The following C6 variants were observed in gnomAD, a reference collection of about 807,000 sequenced individuals.
C6 encodes complement C6.
Under a neutral mutation model 112.9 loss-of-function variants are expected in C6, and 101 were observed. The observed-to-expected ratio is 0.89, with a 90% CI of 0.76 to 1.06. The LOEUF (loss-of-function observed/expected upper bound fraction) is 1.06, where lower values mean the gene tolerates loss of function less well. Ranked by LOEUF, C6 falls within the 50% of genes least tolerant of loss-of-function variation. The pLI is 0.00. For missense variants in C6, 1,202 were observed against 1,104.6 expected (o/e 1.09, Z -1.25); for synonymous variants, 431 against 384.1 (o/e 1.12, Z -1.43).
chr5:41,144,363 G>C lies in C6; in HGVS notation c.2624-1357C>G, dbSNP rs182202855. ...GCTCACTGCACCCTCGAACTCCTAGGTTCAAGAGATCCTCCCACCTTAGCC... is the reference window on the plus strand; with the variant it reads ...GCTCACTGCACCCTCGAACTCCTAGCTTCAAGAGATCCTCCCACCTTAGCC... On this transcript the variant is annotated intron_variant, in intron 17 of 17. Coordinates refer to ENST00000337836, the MANE Select transcript of C6 (RefSeq NM_000065.5). Among the ~76,000 whole-genome samples, 614 of 152,172 alleles carry C rather than the reference G, an allele frequency of 4.0e-3. 1 individual carries two copies. Among genetic ancestry groups the C allele is most frequent in the African/African-American group, 0.013 (544 of 41,500 alleles).
In C6 at chr5:41,149,205, G is replaced by A. The variant is rs764965506; in HGVS notation, c.2623+36C>T. On this transcript the variant is annotated intron_variant, in intron 17 of 17. Transcript: ENST00000337836. ...ATGTACTAGCTGAGATGAAGGTTAA[G>A]TGAGAGCATTTAGTATGGTCACCAT... 6.2e-6 allele frequency: 10 copies of A among 1,612,320 alleles called. No homozygotes were observed. The Admixed American group carries it at 1.2e-4, about 19-fold the overall frequency.
At chr5:41,192,852 C>T (rs1750322147) in intron 5 of C6, among the ~76,000 whole-genome samples, 1 of 152,052 alleles carries the variant, frequency 6.6e-6, no homozygotes, top group Non-Finnish European at 1.5e-5. Context: ...TTAGTGGTTT[C>T]CTAGGGTTAG....
At position 41,155,123 on chromosome 5, in the gene C6, C is replaced by A. The variant is rs373264335; in HGVS notation, c.1969-19G>T. 1.2e-6 allele frequency: 2 copies of A among 1,607,520 alleles called. No homozygotes were observed. Among genetic ancestry groups the A allele is most frequent in the Middle Eastern group, 3.3e-4 (2 of 6,044 alleles). On this transcript the variant is annotated intron_variant, in intron 13 of 17. Coordinates refer to ENST00000337836, the MANE Select transcript of C6 (RefSeq NM_000065.5). Reference sequence around the variant, plus strand: ...TTTCATTCTTAATTAAAGCAGAAACCAGAAATTATTAATGCTATGAATAAC... The same window carrying A: ...TTTCATTCTTAATTAAAGCAGAAACAAGAAATTATTAATGCTATGAATAAC...
rs1396883210 is a variant in C6, at chr5:41,142,865, C to T, written c.2765G>A (p.Arg922Lys). 5 of 1,613,490 alleles carry T rather than the reference C, an allele frequency of 3.1e-6. No individual in the cohort carries two copies. In the Admixed American group the frequency reaches 6.7e-5, roughly 22 times the overall value. Residue 922 changes from arginine (R) to lysine (K), a missense_variant, in exon 18 of 18, where the codon AGG becomes AAG. Transcript: ENST00000337836. Reference sequence around the variant, plus strand: ...TCCAGGATGCAGTATTTCCATCTTCCTGTTTGCACATCTTATAGTTCCCAC... The same window carrying T: ...TCCAGGATGCAGTATTTCCATCTTCTTGTTTGCACATCTTATAGTTCCCAC... ...CEVGTIRCAN[R>K]KMEILHPGKC...
intron 1 of C6, among the ~76,000 whole-genome samples, chr5:41,231,795 T>A (rs1001582872): frequency 3.3e-5 from 5 of 152,224 alleles, no homozygotes; most frequent in East Asian, 1.9e-4. Flanking sequence ...GGTAATTTTT[T>A]AAAAATGATA....
chr5:41,200,888 GTTGTTT>G (rs1389432451), intron 3 of C6, among the ~76,000 whole-genome samples: 1,316 of 66,442 alleles, frequency 0.02, 8 homozygotes, highest in African/African-American at 0.061. Context: ...TGTTGTTGTT[GTTGTTT>G]TTTTTTTTTT....
rs117194999 is a variant in C6 at position 41,155,147 on chromosome 5, A to T, written c.1969-43T>A. The T allele has an allele frequency of 1.7e-3, 2,710 of 1,567,700 alleles. 87 individuals are homozygous for T. The East Asian group carries it at 0.057, about 33-fold the overall frequency. The stretch of plus-strand genomic sequence containing the variant: ...CCAGAAATTATTAATGCTATGAATA[A>T]CACTCTCTAAACTCTTTAGTCTCAC... On this transcript the variant is annotated intron_variant, in intron 13 of 17. Coordinates refer to ENST00000337836, the MANE Select transcript of C6 (RefSeq NM_000065.5).
chr5:41,161,758 C>T lies in C6; in HGVS notation c.1393G>A (p.Glu465Lys). The change falls in exon 10 of 18, where the codon GAG becomes AAG. Residue 465 changes from glutamate (E) to lysine (K), a missense_variant. Physicochemically the swap from Glu to Lys is moderately conservative, Grantham distance 56 (BLOSUM62 1). Transcript: ENST00000337836. ...AACCACTCAGAAAATGTCTTCTCCT[C>T]CAGACCAGAGCTCCCTTTCTCCCAT... ...LAWEKGSSGL[E>K]EKTFSEWLES... 1 of 1,613,688 alleles carries T rather than the reference C, an allele frequency of 6.2e-7. No individual in the cohort carries two copies. Among genetic ancestry groups the T allele is most frequent in the Non-Finnish European group, 8.5e-7 (1 of 1,179,688 alleles).
At chr5:41,167,816 GA>G (rs1490245200) in intron 9 of C6, among the ~76,000 whole-genome samples, 17 of 152,234 alleles carry the variant, frequency 1.1e-4, no homozygotes, top group Non-Finnish European at 1.5e-5. Context: ...GAAGAATGGT[GA>G]AATCACTGAT....
intron 1 of C6, among the ~76,000 whole-genome samples, chr5:41,220,313 G>T (rs1739087951): frequency 6.6e-6 from 1 of 152,118 alleles, no homozygotes. Flanking sequence ...AGAATCTAAG[G>T]CTCTGGATAC....
In C6 at chr5:41,142,715, A is replaced by G. The variant is rs903526047; in HGVS notation, c.*110T>C. ...AAACTAACAGAAAATAATTTTTGTCAGTAACTTTGAGCATGCCAGTCTGCT... is the reference window on the plus strand; with the variant it reads ...AAACTAACAGAAAATAATTTTTGTCGGTAACTTTGAGCATGCCAGTCTGCT... On this transcript the variant is annotated 3_prime_UTR_variant, in exon 18 of 18. Transcript: ENST00000337836. The G allele has an allele frequency of 3.5e-6, 3 of 856,992 alleles. No homozygotes were observed. The highest frequency in any genetic ancestry group is 1.7e-5 in the African/African-American group (1 of 60,384). 53.1% of individuals were successfully genotyped at this position (856,992 alleles called of 1,614,324 possible). A position where few individuals can be genotyped will look rare whatever the true frequency, so the allele number is the denominator to read the frequency against.
chr5:41,152,215 G>A (rs527493729), intron 15 of C6, among the ~76,000 whole-genome samples: 9 of 152,188 alleles, frequency 5.9e-5, no homozygotes, highest in Non-Finnish European at 1.0e-4. Context: ...GATTAGGGAA[G>A]GATTCATAAG....
intron 1 of C6, among the ~76,000 whole-genome samples, chr5:41,250,752 G>T (rs1741301397): frequency 6.6e-6 from 1 of 152,170 alleles, no homozygotes; most frequent in Non-Finnish European, 1.5e-5. Flanking sequence ...TAAACCTTCA[G>T]ACTTGTGAGC....
intron 9 of C6, among the ~76,000 whole-genome samples, chr5:41,171,636 C>A (rs1332660232): frequency 6.6e-6 from 1 of 152,114 alleles, no homozygotes; most frequent in Non-Finnish European, 1.5e-5. Flanking sequence ...AAAGCAGTGG[C>A]TAAAATTGGG....
intron 1 of C6, among the ~76,000 whole-genome samples, chr5:41,253,418 C>G (rs1296284519): frequency 6.6e-6 from 1 of 152,136 alleles, no homozygotes; most frequent in Non-Finnish European, 1.5e-5. Context: ...TTTTGTTACC[C>G]TGCCCTGTGA....
At chr5:41,261,188 A>G (rs900963102) in intron 1 of C6, 1 of 985,604 alleles carries the variant, frequency 1.0e-6, no homozygotes, top group African/African-American at 1.7e-5. Flanking sequence ...AAAGTAGAAA[A>G]CTTACTATGC....
chr5:41,232,015 A>G (rs913735267), intron 1 of C6, among the ~76,000 whole-genome samples: 10 of 152,082 alleles, frequency 6.6e-5, no homozygotes, highest in African/African-American at 2.2e-4. Flanking sequence ...TGTCTTCTTC[A>G]GGTTTTACCT....
intron 5 of C6, among the ~76,000 whole-genome samples, chr5:41,193,966 A>G (rs1427494771): frequency 6.6e-6 from 1 of 152,036 alleles, no homozygotes; most frequent in Non-Finnish European, 1.5e-5. Flanking sequence ...GGCTTTGCTC[A>G]TTTCTCAGAA....
intron 5 of C6, among the ~76,000 whole-genome samples, chr5:41,193,637 A>T (rs1052811490): frequency 4.6e-5 from 7 of 152,136 alleles, no homozygotes; most frequent in African/African-American, 1.7e-4. Flanking sequence ...TACACACACT[A>T]AGCCTGGGTA....
Sources: gnomAD v4.1 joint callset for allele counts (sites outside exome capture counted in the v4.1 genomes callset) on GRCh38, gnomAD v4.1.1 for gene constraint, MANE v1.5 for transcripts, NCBI Gene and HGNC (gene_info 2026-07-23, HGNC 2026-07-21) for gene names.